The following TNFSF11 variants were observed in gnomAD, a reference collection of about 807,000 sequenced individuals.
TNFSF11 encodes the protein TNF superfamily member 11, also known as tumor necrosis factor ligand superfamily member 11.
A neutral mutation model predicts 32.2 loss-of-function variants in TNFSF11; 12 were observed. The observed-to-expected ratio is 0.37, with a 90% CI of 0.24 to 0.60. TNFSF11 has a LOEUF of 0.60. Among genes scored for constraint, TNFSF11 ranks in the 20% least tolerant of loss-of-function variants. TNFSF11 has a pLI of 0.66. For synonymous variants in TNFSF11, 172 were observed against 152.1 expected (o/e 1.13, Z -0.96); for missense variants, 345 against 398.0 (o/e 0.87, Z 1.13).
chr13:42,564,228 T>G (rs1174614739), intron 1 of TNFSF11, among the ~76,000 whole-genome samples: 2 of 152,230 alleles, frequency 1.3e-5, no homozygotes, highest in Non-Finnish European at 1.5e-5. Context: ...TCCATTTTGT[T>G]TACCTTTGCC....
intron 2 of TNFSF11, among the ~76,000 whole-genome samples, chr13:42,591,672 G>A (rs980043002): frequency 6.6e-6 from 1 of 152,202 alleles, no homozygotes. Flanking sequence ...CCCACATCCT[G>A]TGGATTGCAA....
Position 42,574,316 on chromosome 13 carries a change from A to T in TNFSF11, c.13A>T (p.Ser5Cys). 6.5e-7 allele frequency: 1 copy of T among 1,547,010 alleles called. No homozygotes were observed. The highest frequency in any genetic ancestry group is 8.7e-7 in the Non-Finnish European group (1 of 1,146,270). The stretch of plus-strand genomic sequence containing the variant: ...AGGGCCGAGCGCCATGCGCCGCGCC[A>T]GCAGAGACTACACCAAGTACCTGCG... MRRA[S>C]RDYTKYLRGS... is the part of the protein sequence containing the mutation. The change falls in exon 1 of 5, where the codon AGC (serine) becomes TGC (cysteine). Residue 5 changes from serine (S) to cysteine (C), a missense_variant. Coordinates refer to ENST00000398795, the MANE Select transcript of TNFSF11 (RefSeq NM_003701.4).
chr13:42,584,589 G>T (rs1873793032), intron 2 of TNFSF11, among the ~76,000 whole-genome samples: 1 of 152,198 alleles, frequency 6.6e-6, no homozygotes, highest in Non-Finnish European at 1.5e-5. Flanking sequence ...AATAATGGCA[G>T]AATTTTCACT....
intron 2 of TNFSF11, among the ~76,000 whole-genome samples, chr13:42,599,361 T>TATCC (rs1566387383): frequency 6.6e-6 from 1 of 151,046 alleles, no homozygotes; most frequent in Non-Finnish European, 1.5e-5. Flanking sequence ...TCTATCTATC[T>TATCC]ATCTATCTAT....
At position 42,574,348 on chromosome 13, in the gene TNFSF11, G is replaced by A. The variant is rs200121871; in HGVS notation, c.45G>A (p.Ser15=). Residue 15 remains serine, a synonymous_variant, in exon 1 of 5, where the codon TCG becomes TCA. Coordinates refer to ENST00000398795, the MANE Select transcript of TNFSF11 (RefSeq NM_003701.4). ...ACTACACCAAGTACCTGCGTGGCTC[G>A]GAGGAGATGGGCGGCGGCCCCGGAG... ...SRDYTKYLRG[S]EEMGGGPGAP... The A allele has an allele frequency of 5.5e-4, 844 of 1,543,684 alleles. 5 individuals are homozygous for A. The African/African-American group carries it at 0.011, about 19-fold the overall frequency.
chr13:42,600,125 C>T (rs530746238), intron 2 of TNFSF11, among the ~76,000 whole-genome samples: 4 of 152,156 alleles, frequency 2.6e-5, no homozygotes, highest in Admixed American at 2.6e-4. Context: ...TATGCAATTA[C>T]CTATACTCTT....
At chr13:42,578,538 A>C (rs984464337) in intron 1 of TNFSF11, among the ~76,000 whole-genome samples, 10 of 152,272 alleles carry the variant, frequency 6.6e-5, no homozygotes, top group African/African-American at 2.4e-4. Flanking sequence ...ATAAATGAGT[A>C]TATTAAAAGC....
chr13:42,605,062 C>T (rs1016124413), intron 4 of TNFSF11, among the ~76,000 whole-genome samples: 3 of 152,188 alleles, frequency 2.0e-5, no homozygotes, highest in East Asian at 1.9e-4. Context: ...GGATTACAGG[C>T]GTGAGCCACC....
At chr13:42,599,852 A>G (rs1291807351) in intron 2 of TNFSF11, among the ~76,000 whole-genome samples, 2 of 152,150 alleles carry the variant, frequency 1.3e-5, no homozygotes, top group Admixed American at 6.5e-5. Flanking sequence ...TGATGGGTAT[A>G]TAATAGACAT....
intron 1 of TNFSF11, among the ~76,000 whole-genome samples, chr13:42,579,299 A>C (rs1873474664): frequency 6.6e-6 from 1 of 151,812 alleles, no homozygotes; most frequent in South Asian, 2.1e-4. Flanking sequence ...TCCCAGCTAC[A>C]TGGAAGGCTA....
chr13:42,604,107 C>T (rs1312769665), intron 4 of TNFSF11, among the ~76,000 whole-genome samples: 2 of 152,170 alleles, frequency 1.3e-5, no homozygotes, highest in East Asian at 1.9e-4. Context: ...TGATCCATCC[C>T]ATTGAGAGGG....
upstream of TNFSF11, among the ~76,000 whole-genome samples, chr13:42,569,218 G>T (rs948293456): frequency 6.6e-6 from 1 of 152,068 alleles, no homozygotes; most frequent in African/African-American, 2.4e-5. Context: ...GGATAGTCTG[G>T]GTGGGCCCAA....
At chr13:42,583,586 G>T in intron 2 of TNFSF11, among the ~76,000 whole-genome samples, 1 of 151,882 alleles carries the variant, frequency 6.6e-6, no homozygotes, top group South Asian at 2.1e-4. Context: ...CACTATTTCT[G>T]ATGTTTAAAA....
In TNFSF11 at chr13:42,600,772, A is replaced by G. The variant is rs199703842; in HGVS notation, c.408A>G (p.Gly136=). The G allele has an allele frequency of 3.1e-6, 5 of 1,614,028 alleles. No homozygotes were observed. The highest frequency in any genetic ancestry group is 4.2e-6 in the Non-Finnish European group (5 of 1,180,000). The change falls in exon 3 of 5, where the codon GGA becomes GGG. Residue 136 remains glycine, a synonymous_variant. Transcript: ENST00000398795. ...TTCAGGAATTACAACATATCGTTGG[A>G]TCACAGCACATCAGAGCAGAGAAAG... ...AVQKELQHIV[G]SQHIRAEKAM...
chr13:42,596,952 A>T (rs891667784), intron 2 of TNFSF11, among the ~76,000 whole-genome samples: 2 of 152,230 alleles, frequency 1.3e-5, no homozygotes, highest in African/African-American at 4.8e-5. Context: ...TAAACTGCCT[A>T]GGTGTCTCTG....
At chr13:42,599,342 TATCTATC>T (rs1333251748) in intron 2 of TNFSF11, among the ~76,000 whole-genome samples, 1,189 of 79,652 alleles carry the variant, frequency 0.015, 9 homozygotes, top group Middle Eastern at 0.022. Flanking sequence ...TCTATCTATC[TATCTATC>T]ATCTATCTAT....
Position 42,574,431 on chromosome 13 carries a change from C to CA in TNFSF11, c.128_129insA (p.Ala44ArgfsTer34). Reference sequence around the variant, plus strand: ...CCGCCTGCGCCGCACCAGCCCCCTGCCGCCTCCCGCTCCATGTTCGTGGCC... The same window carrying CA: ...CCGCCTGCGCCGCACCAGCCCCCTGCACGCCTCCCGCTCCATGTTCGTGGCC... On this transcript the variant is annotated frameshift_variant, in exon 1 of 5. Coordinates refer to ENST00000398795, the MANE Select transcript of TNFSF11 (RefSeq NM_003701.4). LOFTEE classifies it high-confidence loss of function. 6.2e-7 allele frequency: 1 copy of CA among 1,601,812 alleles called. No individual in the cohort carries two copies. Among genetic ancestry groups the CA allele is most frequent in the Non-Finnish European group, 8.5e-7 (1 of 1,177,218 alleles).
intron 2 of TNFSF11, among the ~76,000 whole-genome samples, chr13:42,593,288 A>G (rs1227967820): frequency 6.6e-6 from 1 of 152,198 alleles, no homozygotes; most frequent in East Asian, 1.9e-4. Context: ...AATATTACAC[A>G]GGCCCAGTTA....
At chr13:42,598,421 T>A (rs346603) in intron 2 of TNFSF11, among the ~76,000 whole-genome samples, 1 of 152,250 alleles carries the variant, frequency 6.6e-6, no homozygotes, top group Non-Finnish European at 1.5e-5. Context: ...TTTAGAGATA[T>A]GCTGCATATC....
Sources: gnomAD v4.1 joint callset for allele counts (sites outside exome capture counted in the v4.1 genomes callset) on GRCh38, gnomAD v4.1.1 for gene constraint, MANE v1.5 for transcripts, NCBI Gene and HGNC (gene_info 2026-07-23, HGNC 2026-07-21) for gene names.